The following HTRA3 variants were observed in gnomAD, a reference collection of about 807,000 sequenced individuals.
HTRA3 encodes the protein HtrA serine peptidase 3.
A neutral mutation model predicts 43.2 loss-of-function variants in HTRA3; 41 were observed. The observed-to-expected ratio is 0.95, with a 90% CI of 0.74 to 1.23. The LOEUF (loss-of-function observed/expected upper bound fraction) is 1.23, where lower values mean the gene tolerates loss of function less well. Ranked by LOEUF, HTRA3 falls within the 50% of genes most tolerant of loss-of-function variation. HTRA3 has a pLI of 0.00. For missense variants in HTRA3, 628 were observed against 647.1 expected (o/e 0.97, Z 0.32); for synonymous variants, 295 against 287.9 (o/e 1.02, Z -0.25).
In HTRA3 at chr4:8,296,363, A is replaced by G; in HGVS notation, c.1051+2162A>G. On this transcript the variant is annotated intron_variant, in intron 6 of 8. Coordinates refer to ENST00000307358, the MANE Select transcript of HTRA3 (RefSeq NM_053044.5). This position sits in a 1 kb window ranked among gnomAD's most constrained non-coding sequence, Gnocchi z 5.3. The stretch of plus-strand genomic sequence containing the variant: ...CAAGGACAGTGCAGACTAACTGAGG[A>G]GCCTGATAAACCTTAGCTGCATGGC... 3 of 985,462 alleles carry G rather than the reference A, an allele frequency of 3.0e-6. No homozygotes were observed. The highest frequency in any genetic ancestry group is 3.6e-6 in the Non-Finnish European group (3 of 829,956). The allele number at this position is 985,462 out of a possible 1,614,324, so 61.0% of individuals were successfully genotyped here.
Position 8,292,321 on chromosome 4 carries a change from T to G in HTRA3, c.904T>G (p.Tyr302Asp). The change falls in exon 5 of 9, where the codon TAC becomes GAC. Residue 302 changes from tyrosine (Y) to aspartate (D), a missense_variant and splice_region_variant. Transcript: ENST00000307358. ...CTAATGCTGTTTCCTCCCCTTGCAG[T>G]ACGGGAACTCCGGGGGACCACTGGT... ...DYIQTDAIIN[Y>D]GNSGGPLVNL... is the part of the protein sequence containing the mutation. 7 of 1,613,132 alleles carry G rather than the reference T, an allele frequency of 4.3e-6. No individual in the cohort carries two copies. The highest frequency in any genetic ancestry group is 5.9e-6 in the Non-Finnish European group (7 of 1,179,648).
intron 3 of HTRA3, among the ~76,000 whole-genome samples, chr4:8,287,548 G>GGA (rs144573043): frequency 2.0e-5 from 3 of 152,050 alleles, no homozygotes; most frequent in South Asian, 4.2e-4. Flanking sequence ...TGGCAGAGCC[G>GGA]GAGAGAGAGA....
At chr4:8,270,870 A>G (rs1202404990) in intron 1 of HTRA3, among the ~76,000 whole-genome samples, 2 of 151,974 alleles carry the variant, frequency 1.3e-5, no homozygotes, top group African/African-American at 2.4e-5. Context: ...CTTGGGGGAG[A>G]GAATGTCGGG....
chr4:8,290,714 G>C (rs1030569518), intron 3 of HTRA3, among the ~76,000 whole-genome samples: 7 of 152,236 alleles, frequency 4.6e-5, no homozygotes, highest in Admixed American at 4.6e-4. Context: ...GAGCTTGGCT[G>C]TTCTCCTTGC....
intron 5 of HTRA3, among the ~76,000 whole-genome samples, chr4:8,293,026 G>A (rs1488818312): frequency 6.6e-6 from 1 of 152,184 alleles, no homozygotes; most frequent in African/African-American, 2.4e-5. Flanking sequence ...GGTACAGGAA[G>A]AAGAAATCCC....
Position 8,296,641 on chromosome 4 carries a change from G to A in HTRA3, c.1051+2440G>A, listed in dbSNP as rs1420737864. On this transcript the variant is annotated intron_variant, in intron 6 of 8. Transcript: ENST00000307358. This position sits in a 1 kb window ranked among gnomAD's most constrained non-coding sequence, Gnocchi z 5.3. ...GTTGGGGGAGCCCCAGGAGGGCTTG[G>A]GGTCCAGCCAGCCTTAGGACCAGAG... Among the ~76,000 whole-genome samples, 2 of 152,236 alleles carry A rather than the reference G, an allele frequency of 1.3e-5. No homozygotes were observed. Among genetic ancestry groups the A allele is most frequent in the African/African-American group, 4.8e-5 (2 of 41,464 alleles).
intron 1 of HTRA3, among the ~76,000 whole-genome samples, chr4:8,276,462 A>C (rs2153003845): frequency 6.6e-6 from 1 of 152,332 alleles, no homozygotes; most frequent in African/African-American, 2.4e-5. Context: ...AGGAGCTGGA[A>C]GGCGGTGTCT....
Position 8,295,958 on chromosome 4 carries a change from G to A in HTRA3, c.1051+1757G>A. On this transcript the variant is annotated intron_variant, in intron 6 of 8. Transcript: ENST00000307358. This position sits in a 1 kb window ranked among gnomAD's most constrained non-coding sequence, Gnocchi z 6.9. ...AACAGTGGGGACCATCTAATCTCTTGAGCCCTTTTCCTGTTGGCTTCTAGG... is the reference window on the plus strand; with the variant it reads ...AACAGTGGGGACCATCTAATCTCTTAAGCCCTTTTCCTGTTGGCTTCTAGG... 8.2e-7 allele frequency: 1 copy of A among 1,216,306 alleles called. No individual in the cohort carries two copies. The highest frequency in any genetic ancestry group is 3.3e-5 in the East Asian group (1 of 30,594). 75.3% of individuals were successfully genotyped at this position (1,216,306 alleles called of 1,614,324 possible). A position where few individuals can be genotyped will look rare whatever the true frequency, so the allele number is the denominator to read the frequency against.
chr4:8,299,841 C>CTT (rs34414197), intron 6 of HTRA3, among the ~76,000 whole-genome samples: 120 of 140,706 alleles, frequency 8.5e-4, no homozygotes, highest in Middle Eastern at 3.8e-3. Flanking sequence ...ATGTATTATC[C>CTT]TTTTTTTTTT....
At chr4:8,282,058 G>A (rs1578793070) in intron 1 of HTRA3, among the ~76,000 whole-genome samples, 1 of 152,182 alleles carries the variant, frequency 6.6e-6, no homozygotes, top group African/African-American at 2.4e-5. Flanking sequence ...TGTAGCATGA[G>A]GGAACAGACA....
Position 8,306,259 on chromosome 4 carries a change from C to G in HTRA3, c.*123C>G. The stretch of plus-strand genomic sequence containing the variant: ...AGGGCGGCAGCCTCCTCCTGGCTGT[C>G]CGGGGCAGAGCGGAGGCTGGGCTTG... On this transcript the variant is annotated 3_prime_UTR_variant, in exon 9 of 9. Coordinates refer to ENST00000307358, the MANE Select transcript of HTRA3 (RefSeq NM_053044.5). The surrounding 1 kb of genome is among the most constrained non-coding windows in gnomAD (Gnocchi z 8.9). 1 of 1,085,390 alleles carries G rather than the reference C, an allele frequency of 9.2e-7. No individual in the cohort carries two copies. Among genetic ancestry groups the G allele is most frequent in the Non-Finnish European group, 1.3e-6 (1 of 785,424 alleles). The allele number at this position is 1,085,390 out of a possible 1,614,324, so 67.2% of individuals were successfully genotyped here.
chr4:8,276,757 C>T (rs1046568228), intron 1 of HTRA3, among the ~76,000 whole-genome samples: 4 of 152,228 alleles, frequency 2.6e-5, no homozygotes, highest in African/African-American at 9.6e-5. Flanking sequence ...GAGCTCGGGT[C>T]TAGGTTGAGC....
intron 6 of HTRA3, among the ~76,000 whole-genome samples, chr4:8,302,068 A>G (rs1337806902): frequency 6.6e-6 from 1 of 152,176 alleles, no homozygotes; most frequent in Non-Finnish European, 1.5e-5. Flanking sequence ...GAGGAAGACC[A>G]GTGGGAGGTG....
Position 8,304,641 on chromosome 4 carries a change from T to TTGTTTTTTG in HTRA3, c.1196+370_1196+371insGTGTTTTTT, listed in dbSNP as rs1713769824. 1.1e-4 allele frequency among the ~76,000 whole-genome samples: 9 copies of TTGTTTTTTG among 82,214 alleles called. 3 individuals carry two copies. Among genetic ancestry groups the TTGTTTTTTG allele is most frequent in the African/African-American group, 1.1e-4 (3 of 27,728 alleles). 53.9% of individuals were successfully genotyped at this position (82,214 alleles called of 152,430 possible). A position where few individuals can be genotyped will look rare whatever the true frequency, so the allele number is the denominator to read the frequency against. ...TGTAAAGTGGAGATAATTCAGCCTA[T>TTGTTTTTTG]TGTTTTTTTTTTTTTTTTTTTTTTT... On this transcript the variant is annotated intron_variant, in intron 8 of 8. Coordinates refer to ENST00000307358, the MANE Select transcript of HTRA3 (RefSeq NM_053044.5).
intron 3 of HTRA3, among the ~76,000 whole-genome samples, chr4:8,289,036 A>G (rs1222356909): frequency 2.0e-5 from 3 of 150,586 alleles, no homozygotes; most frequent in Non-Finnish European, 3.0e-5. Flanking sequence ...TGCAGCGTCA[A>G]ACTCCTGGGC....
At position 8,286,830 on chromosome 4, in the gene HTRA3, G is replaced by A. The variant is rs199507961; in HGVS notation, c.708+47G>A. 6.9e-7 allele frequency: 1 copy of A among 1,448,764 alleles called. No individual in the cohort carries two copies. Among genetic ancestry groups the A allele is most frequent in the African/African-American group, 1.4e-5 (1 of 71,516 alleles). 89.7% of individuals were successfully genotyped at this position (1,448,764 alleles called of 1,614,324 possible). ...GGCGGAAGCACCTGGGGCTGGGCATGGTGGCCTCTTCCCAGACGCCGGAAC... is the reference window on the plus strand; with the variant it reads ...GGCGGAAGCACCTGGGGCTGGGCATAGTGGCCTCTTCCCAGACGCCGGAAC... On this transcript the variant is annotated intron_variant, in intron 3 of 8. Transcript: ENST00000307358. This position sits in a 1 kb window ranked among gnomAD's most constrained non-coding sequence, Gnocchi z 4.9.
intron 3 of HTRA3, among the ~76,000 whole-genome samples, chr4:8,290,797 G>T (rs929155120): frequency 7.2e-5 from 11 of 152,218 alleles, no homozygotes; most frequent in African/African-American, 2.2e-4. Flanking sequence ...CAGAAGAGGG[G>T]TGTGCAGGTG....
chr4:8,270,849 G>A (rs1712240633), intron 1 of HTRA3, among the ~76,000 whole-genome samples: 2 of 152,224 alleles, frequency 1.3e-5, no homozygotes, highest in Non-Finnish European at 2.9e-5. Flanking sequence ...GGGCGCCCCA[G>A]GGAGAGGCTG....
intron 1 of HTRA3, among the ~76,000 whole-genome samples, chr4:8,274,535 G>A (rs1712440655): frequency 6.6e-6 from 1 of 152,256 alleles, no homozygotes; most frequent in African/African-American, 2.4e-5. Context: ...CATGTGATGT[G>A]TGAATCTCCT....
Sources: gnomAD v4.1 joint callset for allele counts (sites outside exome capture counted in the v4.1 genomes callset) on GRCh38, gnomAD v4.1.1 for gene constraint, Gnocchi (gnomAD v3.1) non-coding constraint, MANE v1.5 for transcripts, NCBI Gene and HGNC (gene_info 2026-07-23, HGNC 2026-07-21) for gene names.